TBC1D14: variants seen among roughly 807,000 people sequenced by gnomAD.
TBC1D14 encodes TBC1 domain family member 14.
A neutral mutation model predicts 79.0 loss-of-function variants in TBC1D14; 26 were observed. The observed-to-expected ratio is 0.33, with a 90% CI of 0.24 to 0.46. The LOEUF is 0.46. Ranked by LOEUF, TBC1D14 falls within the 20% of genes least tolerant of loss-of-function variation. The probability of loss-of-function intolerance (pLI) is 1.00; values close to 1 mark genes in which losing one functional copy is unlikely to be tolerated. For synonymous variants in TBC1D14, 394 were observed against 349.9 expected (o/e 1.13, Z -1.40); for missense variants, 769 against 887.6 (o/e 0.87, Z 1.70).
At chr4:7,022,198 G>A (rs1173506590) in intron 12 of TBC1D14, among the ~76,000 whole-genome samples, 1 of 152,246 alleles carries the variant, frequency 6.6e-6, no homozygotes, top group African/African-American at 2.4e-5. Context: ...CCTGGAGCAG[G>A]GGACAGAAGT....
At chr4:7,003,820 G>A (rs1436821114) in intron 7 of TBC1D14, among the ~76,000 whole-genome samples, 2 of 151,862 alleles carry the variant, frequency 1.3e-5, no homozygotes, top group East Asian at 1.9e-4. Context: ...TGGCCAACAC[G>A]GCCAAATCCC....
intron 2 of TBC1D14, among the ~76,000 whole-genome samples, chr4:6,951,428 G>A (rs540412502): frequency 6.6e-6 from 1 of 152,274 alleles, no homozygotes; most frequent in Non-Finnish European, 1.5e-5. Flanking sequence ...CTACTCCAGA[G>A]GCTGATGGGG....
At chr4:7,017,203 G>A (rs1167935169) in intron 12 of TBC1D14, among the ~76,000 whole-genome samples, 1 of 152,188 alleles carries the variant, frequency 6.6e-6, no homozygotes. Context: ...AGGAGGCTGA[G>A]GCACGAGAAT....
intron 9 of TBC1D14, 68 bp downstream of exon 9, chr4:7,006,794 T>C (rs563560604): frequency 1.4e-6 from 2 of 1,468,724 alleles, no homozygotes; most frequent in African/African-American, 1.4e-5. Context: ...GAACTGTGTA[T>C]ATTTGTTGTC....
chr4:6,967,507 G>T, intron 3 of TBC1D14, 83 bp downstream of exon 3: 1 of 1,531,366 alleles, frequency 6.5e-7, no homozygotes. Flanking sequence ...TGACCATATT[G>T]AGTCTGAAAC....
intron 3 of TBC1D14, among the ~76,000 whole-genome samples, chr4:6,990,263 A>G (rs1397493478): frequency 6.6e-6 from 1 of 152,190 alleles, no homozygotes; most frequent in Admixed American, 6.5e-5. Flanking sequence ...AGCCTGGCCA[A>G]CATGGCAAAA....
At chr4:6,927,359 G>T (rs78799784) in intron 2 of TBC1D14, among the ~76,000 whole-genome samples, 1 of 152,154 alleles carries the variant, frequency 6.6e-6, no homozygotes, top group East Asian at 1.9e-4. Flanking sequence ...TGGGTTTCTC[G>T]TGAGTCCTCC....
rs373638955 is a variant in TBC1D14, at chr4:6,923,776, G to A, written c.387G>A (p.Thr129=). Residue 129 remains threonine, a synonymous_variant, in exon 2 of 14, where the codon ACG becomes ACA. Transcript: ENST00000409757. ...AACAGAGCGTGCGCAAATCCTCCAC[G>A]TTTCCCAGGACAGGCTATGACTCGG... The part of the protein sequence containing the change: ...EREQSVRKSS[T]FPRTGYDSVK... 7.4e-6 allele frequency: 12 copies of A among 1,614,036 alleles called. No homozygotes were observed. Among genetic ancestry groups the A allele is most frequent in the East Asian group, 6.7e-5 (3 of 44,884 alleles).
chr4:6,988,885 CTTTT>C (rs34268749), intron 3 of TBC1D14, among the ~76,000 whole-genome samples: 5,573 of 76,554 alleles, frequency 0.073, 75 homozygotes, highest in African/African-American at 0.12. Flanking sequence ...TTCTTTCTTT[CTTTT>C]TTTTTTTTTT....
intron 3 of TBC1D14, among the ~76,000 whole-genome samples, chr4:6,980,248 T>C (rs1426178706): frequency 2.0e-5 from 3 of 152,032 alleles, no homozygotes; most frequent in African/African-American, 7.3e-5. Flanking sequence ...GACAGAAAAA[T>C]AATTGCCTCC....
At chr4:6,980,872 C>T (rs1241612766) in intron 3 of TBC1D14, among the ~76,000 whole-genome samples, 13 of 151,966 alleles carry the variant, frequency 8.6e-5, no homozygotes, top group South Asian at 8.3e-4. Flanking sequence ...CCCGCCACCA[C>T]GCCCGGCTAA....
At chr4:6,914,846 C>T (rs899696833) in intron 1 of TBC1D14, among the ~76,000 whole-genome samples, 16 of 152,164 alleles carry the variant, frequency 1.1e-4, no homozygotes, top group African/African-American at 3.6e-4. Flanking sequence ...TGAGACTAGC[C>T]TGGCCAACAG....
At chr4:6,940,965 C>T (rs1244895118) in intron 2 of TBC1D14, among the ~76,000 whole-genome samples, 1 of 152,082 alleles carries the variant, frequency 6.6e-6, no homozygotes, top group Non-Finnish European at 1.5e-5. Context: ...AAGGGAGGCA[C>T]TGCAGGAAAG....
At chr4:6,983,672 T>C (rs1253880114) in intron 3 of TBC1D14, among the ~76,000 whole-genome samples, 2 of 152,208 alleles carry the variant, frequency 1.3e-5, no homozygotes, top group African/African-American at 4.8e-5. Context: ...CATATCATAC[T>C]TCCACATGAT....
chr4:6,946,887 T>G (rs2108991651), intron 2 of TBC1D14, among the ~76,000 whole-genome samples: 1 of 152,320 alleles, frequency 6.6e-6, no homozygotes, highest in Non-Finnish European at 1.5e-5. Flanking sequence ...ATTCCTTCCC[T>G]GAAATGCAAT....
Position 6,923,528 on chromosome 4 carries a change from G to A in TBC1D14, c.139G>A (p.Gly47Arg), listed in dbSNP as rs767938002. Residue 47 changes from glycine to arginine, a missense_variant, in exon 2 of 14, where the codon GGG becomes AGG. Coordinates refer to ENST00000409757, the MANE Select transcript of TBC1D14 (RefSeq NM_020773.3). ...CCGACTCCTCTCCGCGCCTGAGTAC[G>A]GGCCCAAGCTGAAACTCAGGGCTTT... The part of the protein sequence containing the change: ...APRLLSAPEY[G>R]PKLKLRALED... 15 of 1,614,000 alleles carry A rather than the reference G, an allele frequency of 9.3e-6. No individual in the cohort carries two copies. The highest frequency in any genetic ancestry group is 4.0e-5 in the African/African-American group (3 of 74,900).
chr4:6,987,426 C>T (rs982829898), intron 3 of TBC1D14: 1 of 1,256,628 alleles, frequency 8.0e-7, no homozygotes, highest in Non-Finnish European at 1.0e-6. Context: ...CTGTCCTGGG[C>T]CTGCCAGCCC....
chr4:6,985,881 A>G (rs1036731558), intron 3 of TBC1D14, among the ~76,000 whole-genome samples: 2 of 152,248 alleles, frequency 1.3e-5, no homozygotes. Context: ...ATTTTTAAAA[A>G]TGGCTTGAGG....
At chr4:7,016,403 C>CG (rs909933829) in intron 12 of TBC1D14, among the ~76,000 whole-genome samples, 21 of 152,324 alleles carry the variant, frequency 1.4e-4, no homozygotes, top group African/African-American at 4.8e-4. Flanking sequence ...GCTGCCCCAC[C>CG]GTGTGCATTT....
Sources: allele counts gnomAD v4.1 joint callset (sites outside exome capture counted in the v4.1 genomes callset), GRCh38; gene constraint gnomAD v4.1.1; transcripts MANE v1.5; gene names NCBI Gene and HGNC (gene_info 2026-07-23, HGNC 2026-07-21).